HEATR5B: variants seen among roughly 807,000 people sequenced by gnomAD.
HEATR5B encodes the protein HEAT repeat-containing protein 5B.
A neutral mutation model predicts 224.1 loss-of-function variants in HEATR5B; 156 were observed. The observed-to-expected ratio is 0.70, with a 90% CI of 0.61 to 0.80. The LOEUF (loss-of-function observed/expected upper bound fraction) is 0.80. Among genes scored for constraint, HEATR5B ranks in the 30% least tolerant of loss-of-function variants. HEATR5B has a pLI of 0.00. For synonymous variants in HEATR5B, 1,027 were observed against 893.0 expected, an observed-to-expected ratio of 1.15 and a Z score of -2.68; for missense variants, 2,323 against 2,535.5, an observed-to-expected ratio of 0.92 and a Z score of 1.80.
At chr2:36,982,266 A>G (rs1017404582) in intron 35 of HEATR5B, among the ~76,000 whole-genome samples, 1 of 152,138 alleles carries the variant, frequency 6.6e-6, no homozygotes, top group African/African-American at 2.4e-5. Flanking sequence ...CATCCCCCAA[A>G]ACTCACAGTG....
At chr2:37,073,962 C>T (rs536027687) in intron 5 of HEATR5B, among the ~76,000 whole-genome samples, 1 of 152,304 alleles carries the variant, frequency 6.6e-6, no homozygotes, top group East Asian at 1.9e-4. Context: ...TACACATATA[C>T]ACACAACTGA....
At position 37,059,921 on chromosome 2, in the gene HEATR5B, C is replaced by G. The variant is rs575510277; in HGVS notation, c.1849+660G>C. Among the ~76,000 whole-genome samples, 344 of 152,258 alleles carry G rather than the reference C, an allele frequency of 2.3e-3. 3 individuals carry two copies. The highest frequency in any genetic ancestry group is 7.8e-3 in the African/African-American group (323 of 41,542). On this transcript the variant is annotated intron_variant, in intron 12 of 35. Coordinates refer to ENST00000233099, the MANE Select transcript of HEATR5B (RefSeq NM_019024.3). ...AGATGTGTGAGAGTAAAGGTGCCCC[C>G]TTGCCTGGCTGCCCTTGTGGTGAAA...
intron 22 of HEATR5B, among the ~76,000 whole-genome samples, chr2:37,030,220 A>C (rs1034164934): frequency 1.3e-5 from 2 of 152,130 alleles, no homozygotes; most frequent in Non-Finnish European, 2.9e-5. Flanking sequence ...CCAAATACAG[A>C]ATAAGGGGAG....
chr2:37,069,947 G>C (rs1671808312), intron 7 of HEATR5B, among the ~76,000 whole-genome samples: 1 of 149,714 alleles, frequency 6.7e-6, no homozygotes, highest in African/African-American at 2.5e-5. Flanking sequence ...ACCCAGGTTG[G>C]AGTGCAGTGG....
intron 16 of HEATR5B, chr2:37,055,087 G>C (rs753956912): frequency 2.4e-6 from 1 of 414,544 alleles, no homozygotes; most frequent in Non-Finnish European, 5.0e-6. Context: ...AGTACCTTTT[G>C]TGCACTAAGA....
At chr2:37,058,845 A>G in intron 13 of HEATR5B, 43 bp downstream of exon 13, 1 of 1,133,786 alleles carries the variant, frequency 8.8e-7, no homozygotes, top group South Asian at 1.4e-5. Flanking sequence ...TATATTATTA[A>G]TATATAAAAT....
chr2:37,034,612 C>CAAAAAAA (rs772823865), intron 21 of HEATR5B, among the ~76,000 whole-genome samples: 1 of 30,576 alleles, frequency 3.3e-5, no homozygotes, highest in African/African-American at 1.2e-4. Flanking sequence ...GACTCTGTCT[C>CAAAAAAA]AAAAAAAAAA....
chr2:36,990,479 CAT>C (rs1019552226), intron 34 of HEATR5B, among the ~76,000 whole-genome samples, 167 bp downstream of exon 34: 38 of 152,172 alleles, frequency 2.5e-4, no homozygotes, highest in African/African-American at 7.7e-4. Context: ...TAAACATACA[CAT>C]GTGTTCTAGT....
intron 21 of HEATR5B, among the ~76,000 whole-genome samples, chr2:37,035,047 C>G (rs1669391591): frequency 6.6e-6 from 1 of 152,166 alleles, no homozygotes. Flanking sequence ...TCTTACACAA[C>G]TACTGTAAGA....
intron 26 of HEATR5B, 30 bp downstream of exon 26, chr2:37,019,779 A>C (rs1668353957): frequency 1.4e-6 from 2 of 1,427,484 alleles, no homozygotes; most frequent in Admixed American, 3.5e-5. Flanking sequence ...TATAGAAGAC[A>C]ACTATACAAA....
At chr2:37,073,145 GAA>G (rs903374053) in intron 5 of HEATR5B, among the ~76,000 whole-genome samples, 8 of 152,230 alleles carry the variant, frequency 5.3e-5, no homozygotes, top group Admixed American at 3.3e-4. Context: ...GACACTACGT[GAA>G]AAAGAAACTA....
chr2:36,996,087 A>T (rs776940962), intron 33 of HEATR5B, among the ~76,000 whole-genome samples: 28 of 131,346 alleles, frequency 2.1e-4, no homozygotes, highest in Admixed American at 7.2e-4. Flanking sequence ...TTTGAGAGGG[A>T]GTCTCGCTCT....
chr2:37,041,146 G>C lies in HEATR5B; in HGVS notation c.2843C>G (p.Ser948Cys). 2 of 1,613,632 alleles carry C rather than the reference G, an allele frequency of 1.2e-6. No individual in the cohort carries two copies. The highest frequency in any genetic ancestry group is 1.7e-6 in the Non-Finnish European group (2 of 1,179,766). The change falls in exon 19 of 36, where the codon TCC (serine) becomes TGC (cysteine). Residue 948 changes from serine (S) to cysteine (C), a missense_variant. Coordinates refer to ENST00000233099, the MANE Select transcript of HEATR5B (RefSeq NM_019024.3). ...ILLALAQDGT[S>C]PEVQTWSLHS... ...ATTATATTATACCTGGACTTCAGGG[G>C]ATGTCCCATCTTGTGCTAGAGCCAA... is the stretch of plus-strand genomic sequence containing the variant.
intron 5 of HEATR5B, among the ~76,000 whole-genome samples, chr2:37,073,794 G>C (rs1185509068): frequency 6.6e-6 from 1 of 152,098 alleles, no homozygotes; most frequent in African/African-American, 2.4e-5. Flanking sequence ...GACAAACCTA[G>C]ACTGGGCAAA....
Position 37,028,015 on chromosome 2 carries a change from C to A in HEATR5B, c.3761G>T (p.Cys1254Phe). 6.2e-7 allele frequency: 1 copy of A among 1,614,108 alleles called. No individual in the cohort carries two copies. Among genetic ancestry groups the A allele is most frequent in the Non-Finnish European group, 8.5e-7 (1 of 1,179,978 alleles). ...ACACAAATTGATGATTCGACACAGG[C>A]AATCGGCAGCAAATACTCGAGTGGC... is the stretch of plus-strand genomic sequence containing the variant. ...RWATRVFAAD[C>F]LCRIINLCEN... Residue 1254 changes from cysteine (C) to phenylalanine (F), a missense_variant, in exon 24 of 36, where the codon TGC becomes TTC. Around this residue, in one of 12 missense-constraint regions of HEATR5B, gnomAD observed 339 missense variants for 378.4 expected, o/e 0.90. Transcript: ENST00000233099.
chr2:37,071,020 C>T (rs1558375396), intron 6 of HEATR5B, among the ~76,000 whole-genome samples: 6 of 152,158 alleles, frequency 3.9e-5, no homozygotes, highest in South Asian at 2.1e-4. Context: ...ATTTCCTCAT[C>T]TATAAAATAG....
chr2:37,051,019 C>T (rs578181369), intron 17 of HEATR5B, among the ~76,000 whole-genome samples: 1 of 152,180 alleles, frequency 6.6e-6, no homozygotes, highest in Non-Finnish European at 1.5e-5. Flanking sequence ...GCACTCCAGC[C>T]TGGCGACAGA....
chr2:37,082,052 CTTTTTTTTTTTTTTT>C (rs61036576), intron 2 of HEATR5B, among the ~76,000 whole-genome samples: 35 of 23,962 alleles, frequency 1.5e-3, no homozygotes, highest in South Asian at 9.7e-3. Flanking sequence ...GAAGTATCTA[CTTTTTTTTTTTTTTT>C]TTTTTTTTTT....
intron 24 of HEATR5B, among the ~76,000 whole-genome samples, 166 bp from the exon 25 acceptor site, chr2:37,021,002 A>G (rs1206512682): frequency 6.6e-6 from 1 of 152,226 alleles, no homozygotes; most frequent in Admixed American, 6.5e-5. Context: ...TTCCATATCA[A>G]TCTTTCAAGA....
Sources: gnomAD v4.1 joint callset for allele counts (sites outside exome capture counted in the v4.1 genomes callset) on GRCh38, gnomAD v4.1.1 for gene constraint, gnomAD v4.1.1 regional missense constraint, MANE v1.5 for transcripts, NCBI Gene and HGNC (gene_info 2026-07-23, HGNC 2026-07-21) for gene names.